ENKUR: variants seen among roughly 807,000 people sequenced by gnomAD.
ENKUR encodes the protein enkurin.
In ENKUR, 19 loss-of-function variants were observed where a neutral mutation model predicts 27.6. The observed-to-expected ratio is 0.69, with a 90% CI of 0.48 to 1.01. The LOEUF (loss-of-function observed/expected upper bound fraction) is 1.01. ENKUR is among the 50% of genes least tolerant of loss of function. The pLI is 0.00. For synonymous variants in ENKUR, 117 were observed against 96.9 expected (o/e 1.21, Z -1.22); for missense variants, 312 against 310.5 (o/e 1.00, Z -0.04).
intron 2 of ENKUR, among the ~76,000 whole-genome samples, chr10:25,033,526 ATTTCAACTTTGCGTAACCCTTTCT>A (rs979734347): frequency 6.6e-6 from 1 of 151,668 alleles, no homozygotes; most frequent in African/African-American, 2.4e-5. Context: ...AGGGAAACTC[ATTTCAACTTTGCGTAACCCTTTCT>A]TCCCAAACTT....
At chr10:25,036,810 C>T (rs991336727) in intron 2 of ENKUR, among the ~76,000 whole-genome samples, 1 of 152,226 alleles carries the variant, frequency 6.6e-6, no homozygotes. Flanking sequence ...CTGCAACATT[C>T]CTAATGACGT....
intron 3 of ENKUR, among the ~76,000 whole-genome samples, chr10:24,992,648 C>A (rs1729619997): frequency 6.6e-6 from 1 of 152,176 alleles, no homozygotes; most frequent in Non-Finnish European, 1.5e-5. Context: ...AGAAGCAGAG[C>A]CTGTAACAAC....
intron 2 of ENKUR, among the ~76,000 whole-genome samples, chr10:25,027,826 G>C (rs12356765): frequency 0.43 from 65,057 of 151,862 alleles, 14,582 homozygotes; most frequent in African/African-American, 0.56. Flanking sequence ...CCAGCCTAGG[G>C]AACAGAGCAA....
chr10:24,990,367 T>C (rs563250499), intron 4 of ENKUR, 96 bp downstream of exon 4: 1 of 1,457,992 alleles, frequency 6.9e-7, no homozygotes, highest in East Asian at 2.3e-5. Flanking sequence ...GATTTCAAAA[T>C]CCAAGTGCTG....
Position 24,990,539 on chromosome 10 carries a change from T to C in ENKUR, c.518A>G (p.Asp173Gly). ...EEIKKAQEDYDRYIQENLKKA... is the reference protein window; with the variant it reads ...EEIKKAQEDYGRYIQENLKKA... ...CTTAAGGTTTTCCTGGATATAACGA[T>C]CATAGTCTTCTTGGGCTTTCTTTAT... The change falls in exon 4 of 6, where the codon GAT becomes GGT. Residue 173 changes from aspartate to glycine, a missense_variant. Physicochemically the swap from Asp to Gly is moderately conservative, Grantham distance 94. Transcript: ENST00000331161. 1 of 1,614,082 alleles carries C rather than the reference T, an allele frequency of 6.2e-7. No individual in the cohort carries two copies. Among genetic ancestry groups the C allele is most frequent in the South Asian group, 1.1e-5 (1 of 91,036 alleles).
Position 24,985,027 on chromosome 10 carries a change from A to G in ENKUR, c.595-122T>C. 4 of 801,292 alleles carry G rather than the reference A, an allele frequency of 5.0e-6. No homozygotes were observed. In the South Asian group the frequency reaches 6.5e-5, roughly 13 times the overall value. 49.6% of individuals were successfully genotyped at this position (801,292 alleles called of 1,614,324 possible). A position where few individuals can be genotyped will look rare whatever the true frequency, so the allele number is the denominator to read the frequency against. ...AAGAAACTGACAAAAATAACTTCTA[A>G]AATGAAATGTATTTATCAAGTACTT... On this transcript the variant is annotated intron_variant, in intron 4 of 5. Coordinates refer to ENST00000331161, the MANE Select transcript of ENKUR (RefSeq NM_145010.4).
chr10:24,992,672 G>A (rs1408270399), intron 3 of ENKUR, among the ~76,000 whole-genome samples: 2 of 152,200 alleles, frequency 1.3e-5, no homozygotes, highest in South Asian at 2.1e-4. Context: ...CAAAGGGCAC[G>A]TGGCAAAAGC....
At chr10:25,049,281 G>A (rs1454368138) in intron 2 of ENKUR, among the ~76,000 whole-genome samples, 5 of 152,110 alleles carry the variant, frequency 3.3e-5, no homozygotes, top group African/African-American at 7.2e-5. Context: ...CTCCTACAAC[G>A]TGCTAGGCAC....
At chr10:25,020,666 A>G (rs192017521), upstream of ENKUR, among the ~76,000 whole-genome samples, 1 of 151,956 alleles carries the variant, frequency 6.6e-6, no homozygotes, top group Non-Finnish European at 1.5e-5. Flanking sequence ...ACCTGAGCCC[A>G]GGAGGTTGAG....
At chr10:25,044,050 G>A (rs1180307051) in intron 2 of ENKUR, among the ~76,000 whole-genome samples, 1 of 151,900 alleles carries the variant, frequency 6.6e-6, no homozygotes, top group Non-Finnish European at 1.5e-5. Flanking sequence ...TTCAATGTCT[G>A]GATCATCTGT....
chr10:25,022,337 G>T (rs973727822), intron 2 of ENKUR, among the ~76,000 whole-genome samples: 1 of 152,140 alleles, frequency 6.6e-6, no homozygotes, highest in Non-Finnish European at 1.5e-5. Context: ...CTGGGGTCTG[G>T]AAATTGAGTT....
At chr10:25,018,729 G>A (rs1454067514), upstream of ENKUR, among the ~76,000 whole-genome samples, 1 of 146,052 alleles carries the variant, frequency 6.8e-6, no homozygotes, top group Non-Finnish European at 1.5e-5. Context: ...GTGTAGATGA[G>A]TATATAAGAC....
At position 25,032,319 on chromosome 10, in the gene ENKUR, G is replaced by T. The variant is rs998951384; in HGVS notation, c.37+28793C>A. 1.3e-4 allele frequency among the ~76,000 whole-genome samples: 19 copies of T among 149,938 alleles called. 1 individual carries two copies. The highest frequency in any genetic ancestry group is 4.7e-4 in the African/African-American group (19 of 40,326). Reference sequence around the variant, plus strand: ...AATTAGAATCAGAGTAAAGAAGGGGGGGGGGCTATGATCGTTACCATTCAA... The same window carrying T: ...AATTAGAATCAGAGTAAAGAAGGGGTGGGGGCTATGATCGTTACCATTCAA... On this transcript the variant is annotated intron_variant, in intron 2 of 5. Coordinates refer to the ENKUR transcript ENST00000615958.
chr10:25,000,030 T>A (rs190074951), intron 1 of ENKUR, among the ~76,000 whole-genome samples: 14 of 152,324 alleles, frequency 9.2e-5, no homozygotes, highest in African/African-American at 3.4e-4. Context: ...TTTTACTTTC[T>A]TAAGATACAA....
upstream of ENKUR, among the ~76,000 whole-genome samples, chr10:25,019,414 T>C (rs1298555204): frequency 6.6e-6 from 1 of 152,084 alleles, no homozygotes; most frequent in Non-Finnish European, 1.5e-5. Flanking sequence ...GTCAAGGCTG[T>C]AGTGAGCCAA....
rs181285836 is a variant in ENKUR at position 25,024,726 on chromosome 10, A to G, written c.38-28857T>C. 39 of 1,614,214 alleles carry G rather than the reference A, an allele frequency of 2.4e-5. No homozygotes were observed. In the Admixed American group the frequency reaches 6.3e-4, roughly 26 times the overall value. On this transcript the variant is annotated intron_variant, in intron 2 of 5. Transcript: ENST00000615958. Reference sequence around the variant, plus strand: ...AAGGATTTATTTCTTTTGGAAGCCCAGTCGATGTCTGTATTCCCACAGGAA... The same window carrying G: ...AAGGATTTATTTCTTTTGGAAGCCCGGTCGATGTCTGTATTCCCACAGGAA...
chr10:25,048,677 A>G (rs1370168327), intron 2 of ENKUR, among the ~76,000 whole-genome samples: 9 of 152,032 alleles, frequency 5.9e-5, no homozygotes, highest in Non-Finnish European at 4.4e-5. Flanking sequence ...GGTCTCAGAT[A>G]GCTGTTCTCA....
intron 2 of ENKUR, chr10:25,025,485 C>CT: frequency 6.4e-7 from 1 of 1,562,448 alleles, no homozygotes; most frequent in South Asian, 1.2e-5. Flanking sequence ...TTTTTTCTAG[C>CT]TATAAGCATG....
At chr10:24,987,293 G>A (rs1849800798) in intron 4 of ENKUR, among the ~76,000 whole-genome samples, 1 of 152,240 alleles carries the variant, frequency 6.6e-6, no homozygotes, top group Admixed American at 6.5e-5. Flanking sequence ...GGGTGCCTCA[G>A]TGCTTCTTGT....
Sources: allele counts gnomAD v4.1 joint callset (sites outside exome capture counted in the v4.1 genomes callset), GRCh38; gene constraint gnomAD v4.1.1; transcripts MANE v1.5; gene names NCBI Gene and HGNC (gene_info 2026-07-23, HGNC 2026-07-21).